Variants in CDYL observed in about 807,000 individuals in gnomAD.
CDYL encodes the protein chromodomain Y-like protein.
In CDYL, 8 loss-of-function variants were observed where a neutral mutation model predicts 47.3. The ratio of observed to expected loss-of-function variants is 0.17; its 90% CI spans 0.10 to 0.31. CDYL has a LOEUF of 0.31. Among genes scored for constraint, CDYL ranks in the 10% least tolerant of loss-of-function variants. The pLI is 1.00. For synonymous variants in CDYL, 266 were observed against 265.0 expected, an observed-to-expected ratio of 1.00 and a Z score of -0.04; for missense variants, 471 against 701.4, an observed-to-expected ratio of 0.67 and a Z score of 3.71.
intron 3 of CDYL, among the ~76,000 whole-genome samples, chr6:4,768,368 T>C (rs1758287855): frequency 1.3e-5 from 2 of 152,140 alleles, no homozygotes; most frequent in Admixed American, 6.5e-5. Flanking sequence ...GCAGAAAATA[T>C]ACAAGATGAG....
rs957248962 is a variant in CDYL, at chr6:4,891,684, T to A, written c.25-29T>A. On this transcript the variant is annotated intron_variant, in intron 1 of 6. Transcript: ENST00000397588. ...TTTTCCCCCCAAATTTTGATTTTTT[T>A]AAAACTATTTTTTTCCTTTTATGAA... The A allele has an allele frequency of 1.4e-5, 22 of 1,547,254 alleles. No individual in the cohort carries two copies. The East Asian group carries it at 2.1e-4, about 15-fold the overall frequency.
chr6:4,761,488 C>T (rs953988243), intron 3 of CDYL, among the ~76,000 whole-genome samples: 10 of 152,162 alleles, frequency 6.6e-5, no homozygotes, highest in African/African-American at 1.2e-4. Flanking sequence ...AGATTACAGG[C>T]GTCCGCCACC....
intron 1 of CDYL, among the ~76,000 whole-genome samples, chr6:4,800,336 T>C: frequency 6.6e-6 from 1 of 152,184 alleles, no homozygotes; most frequent in Non-Finnish European, 1.5e-5. Flanking sequence ...TTGAATCACT[T>C]TGGATAAGAC....
rs1758453664 is a variant in CDYL at position 4,944,469 on chromosome 6, G to C, written c.1332+713G>C. ...ACCCTGGACGAGGTGGCTCCCTACA[G>C]CTGAGGGCATCCCTAAAGGCGCCCT... On this transcript the variant is annotated intron_variant, in intron 5 of 6. Transcript: ENST00000397588. 2.0e-5 allele frequency among the ~76,000 whole-genome samples: 3 copies of C among 152,208 alleles called. No homozygotes were observed. In the South Asian group the frequency reaches 6.2e-4, roughly 31 times the overall value.
intron 1 of CDYL, among the ~76,000 whole-genome samples, chr6:4,883,222 T>G (rs1761810968): frequency 6.6e-6 from 1 of 151,852 alleles, no homozygotes; most frequent in South Asian, 2.1e-4. Flanking sequence ...AAGTGGGGAG[T>G]GCATTACACC....
At chr6:4,915,144 C>T (rs1050586689) in intron 2 of CDYL, among the ~76,000 whole-genome samples, 3 of 152,232 alleles carry the variant, frequency 2.0e-5, no homozygotes, top group African/African-American at 7.2e-5. Context: ...AGTCACACTG[C>T]AAAGAGCATC....
chr6:4,840,612 T>A (rs62386592), intron 1 of CDYL, among the ~76,000 whole-genome samples: 13,887 of 152,230 alleles, frequency 0.091, 834 homozygotes, highest in Non-Finnish European at 0.13. Flanking sequence ...CGTAAAGGGG[T>A]GCTGGATTTT....
intron 1 of CDYL, among the ~76,000 whole-genome samples, chr6:4,819,116 TTCTCTCTCTCTCTCTC>T (rs373718294): frequency 3.1e-3 from 241 of 76,704 alleles, no homozygotes; most frequent in Non-Finnish European, 4.6e-3. Context: ...TTTAGGTTCG[TTCTCTCTCTCTCTCTC>T]TCTCTCTCTC....
chr6:4,739,975 G>A (rs551216077), intron 3 of CDYL, among the ~76,000 whole-genome samples: 1 of 151,824 alleles, frequency 6.6e-6, no homozygotes, highest in Non-Finnish European at 1.5e-5. Flanking sequence ...AAAAAAAAAA[G>A]TAATTGATAC....
At chr6:4,951,839 A>AT (rs1203182873) in intron 5 of CDYL, among the ~76,000 whole-genome samples, 1 of 152,046 alleles carries the variant, frequency 6.6e-6, no homozygotes, top group African/African-American at 2.4e-5. Context: ...GCATATGCTG[A>AT]TTTTCCCAGG....
chr6:4,797,734 G>A (rs979989974), intron 1 of CDYL, among the ~76,000 whole-genome samples: 4 of 152,122 alleles, frequency 2.6e-5, no homozygotes, highest in Admixed American at 2.0e-4. Flanking sequence ...ATGTTTCCAA[G>A]GTTTGTGTTG....
chr6:4,806,285 A>AGCAGG (rs1261082117), intron 1 of CDYL, among the ~76,000 whole-genome samples: 1 of 152,190 alleles, frequency 6.6e-6, no homozygotes, highest in African/African-American at 2.4e-5. Flanking sequence ...AGGATTTCAG[A>AGCAGG]GCAGGGCAGG....
At chr6:4,908,105 C>A (rs1481865592) in intron 2 of CDYL, among the ~76,000 whole-genome samples, 1 of 152,216 alleles carries the variant, frequency 6.6e-6, no homozygotes, top group Non-Finnish European at 1.5e-5. Flanking sequence ...ATGGAAAATT[C>A]TAGCACCCTA....
In CDYL at chr6:4,801,143, A is replaced by G. The variant is rs75485795; in HGVS notation, c.24+24336A>G. Among the ~76,000 whole-genome samples, 769 of 152,286 alleles carry G rather than the reference A, an allele frequency of 5.0e-3. 5 individuals are homozygous for G. Among genetic ancestry groups the G allele is most frequent in the Non-Finnish European group, 8.1e-3 (553 of 68,020 alleles). The stretch of plus-strand genomic sequence containing the variant: ...TTGCAGATGGCAGAACCAAGCATCA[A>G]TCCGTTGCTTAGCCAGTCTAATGCA... On this transcript the variant is annotated intron_variant, in intron 1 of 6. Coordinates refer to ENST00000397588, the MANE Select transcript of CDYL (RefSeq NM_004824.4).
At chr6:4,761,378 C>G (rs760564221) in intron 3 of CDYL, among the ~76,000 whole-genome samples, 1 of 152,178 alleles carries the variant, frequency 6.6e-6, no homozygotes, top group Non-Finnish European at 1.5e-5. Flanking sequence ...GAGTCTTGCT[C>G]TGTCACCCAG....
intron 3 of CDYL, among the ~76,000 whole-genome samples, chr6:4,767,428 C>T (rs1359449212): frequency 6.6e-6 from 1 of 152,068 alleles, no homozygotes; most frequent in Non-Finnish European, 1.5e-5. Flanking sequence ...CAAAAATTAC[C>T]CAGGCGTGGT....
intron 2 of CDYL, among the ~76,000 whole-genome samples, chr6:4,903,299 C>T (rs565669900): frequency 6.6e-6 from 1 of 152,274 alleles, no homozygotes; most frequent in African/African-American, 2.4e-5. Context: ...TATTCCTCTT[C>T]ACAGCTGCAT....
At chr6:4,836,655 A>G (rs62386590) in intron 1 of CDYL, among the ~76,000 whole-genome samples, 12,750 of 152,278 alleles carry the variant, frequency 0.084, 665 homozygotes, top group South Asian at 0.14. Context: ...GCTGACCACC[A>G]TGCAGCAAGG....
At chr6:4,786,449 C>A (rs934383505) in intron 1 of CDYL, among the ~76,000 whole-genome samples, 2 of 151,896 alleles carry the variant, frequency 1.3e-5, no homozygotes, top group Non-Finnish European at 2.9e-5. Context: ...CATAATGATG[C>A]CGGGTAAAGG....
Sources: allele counts gnomAD v4.1 joint callset (sites outside exome capture counted in the v4.1 genomes callset), GRCh38; gene constraint gnomAD v4.1.1; transcripts MANE v1.5; gene names NCBI Gene and HGNC (gene_info 2026-07-23, HGNC 2026-07-21).